The following TCP11L1 variants were observed in gnomAD, a reference collection of about 807,000 sequenced individuals.
The protein encoded by TCP11L1 is T-complex protein 11-like protein 1.
Under a neutral mutation model 48.9 loss-of-function variants are expected in TCP11L1, and 28 were observed. The observed-to-expected ratio is 0.57, with a 90% CI of 0.42 to 0.78. The LOEUF (loss-of-function observed/expected upper bound fraction) is 0.78. Ranked by LOEUF, TCP11L1 falls within the 30% of genes least tolerant of loss-of-function variation. The pLI, the probability that TCP11L1 is intolerant of heterozygous loss-of-function variation, is 0.00. For missense variants in TCP11L1, 505 were observed against 613.4 expected (o/e 0.82, Z 1.87); for synonymous variants, 204 against 231.9 (o/e 0.88, Z 1.09).
In TCP11L1 at chr11:33,055,090, A is replaced by G. The variant is rs117631087; in HGVS notation, c.296+365A>G. Among the ~76,000 whole-genome samples, 83 of 152,360 alleles carry G rather than the reference A, an allele frequency of 5.4e-4. 1 individual carries two copies. In the East Asian group the frequency reaches 0.012, roughly 22 times the overall value. On this transcript the variant is annotated intron_variant, in intron 3 of 9. Transcript: ENST00000334274. ...ACTTAACCATTTTTTTATTGAATCA[A>G]AAACTCTATTGGTTGTAAGGTGCAC...
chr11:33,070,533 A>G lies in TCP11L1; in HGVS notation c.1327+1674A>G, dbSNP rs937904380. Among the ~76,000 whole-genome samples, 14 of 151,994 alleles carry G rather than the reference A, an allele frequency of 9.2e-5. No individual in the cohort carries two copies. In the East Asian group the frequency reaches 2.7e-3, roughly 30 times the overall value. ...AAACTCCGCCTTTACTAAAAATGCGAAATTAGCCAGGCATGGTGGTGCATG... is the reference window on the plus strand; with the variant it reads ...AAACTCCGCCTTTACTAAAAATGCGGAATTAGCCAGGCATGGTGGTGCATG... On this transcript the variant is annotated intron_variant, in intron 9 of 9. Coordinates refer to ENST00000334274, the MANE Select transcript of TCP11L1 (RefSeq NM_018393.4).
At chr11:33,053,020 A>G (rs554824140) in intron 2 of TCP11L1, among the ~76,000 whole-genome samples, 1 of 151,912 alleles carries the variant, frequency 6.6e-6, no homozygotes, top group Non-Finnish European at 1.5e-5. Context: ...AAAAATGCAG[A>G]TTCTTTGGCC....
chr11:33,051,736 G>C (rs906517300), intron 2 of TCP11L1, among the ~76,000 whole-genome samples: 15 of 152,106 alleles, frequency 9.9e-5, no homozygotes, highest in Non-Finnish European at 2.2e-4. Flanking sequence ...ATGAGCCACC[G>C]TGCCCGGCCT....
intron 7 of TCP11L1, among the ~76,000 whole-genome samples, chr11:33,064,181 G>T (rs1037812425): frequency 6.6e-5 from 10 of 152,186 alleles, no homozygotes; most frequent in African/African-American, 1.9e-4. Flanking sequence ...ACGCTGTGGG[G>T]AAGATGGTGA....
intron 1 of TCP11L1, among the ~76,000 whole-genome samples, chr11:33,041,774 A>AG (rs1402930756): frequency 1.3e-5 from 2 of 152,056 alleles, no homozygotes; most frequent in African/African-American, 4.8e-5. Context: ...AAACAAAAAA[A>AG]CAGGCCTGAA....
chr11:33,065,800 C>G lies in TCP11L1; in HGVS notation c.973-30C>G, dbSNP rs577356006. On this transcript the variant is annotated intron_variant, in intron 7 of 9. Transcript: ENST00000334274. Reference sequence around the variant, plus strand: ...TCTGCTGGCCAACCTGGACCTGCAGCTCAGCGATGGCCTCTTCTATTCATT... The same window carrying G: ...TCTGCTGGCCAACCTGGACCTGCAGGTCAGCGATGGCCTCTTCTATTCATT... 2.5e-6 allele frequency: 4 copies of G among 1,597,440 alleles called. No individual in the cohort carries two copies. In the African/African-American group the frequency reaches 4.0e-5, roughly 16 times the overall value.
At chr11:33,052,008 A>T (rs1381898939) in intron 2 of TCP11L1, among the ~76,000 whole-genome samples, 1 of 152,094 alleles carries the variant, frequency 6.6e-6, no homozygotes, top group Non-Finnish European at 1.5e-5. Flanking sequence ...TCTGATTGGG[A>T]TTTCATTTAA....
intron 2 of TCP11L1, among the ~76,000 whole-genome samples, chr11:33,051,413 C>T (rs911780051): frequency 6.6e-6 from 1 of 152,084 alleles, no homozygotes; most frequent in Non-Finnish European, 1.5e-5. Flanking sequence ...GTGGTCCGCT[C>T]GCCTCAGCCT....
At chr11:33,046,148 A>G (rs767227742) in intron 2 of TCP11L1, among the ~76,000 whole-genome samples, 6 of 152,272 alleles carry the variant, frequency 3.9e-5, no homozygotes, top group Non-Finnish European at 8.8e-5. Context: ...GCCCTTTAGC[A>G]CAGAGCTTGG....
At chr11:33,052,155 G>C (rs1720179213) in intron 2 of TCP11L1, among the ~76,000 whole-genome samples, 1 of 152,052 alleles carries the variant, frequency 6.6e-6, no homozygotes, top group Admixed American at 6.5e-5. Context: ...TAATAACCGG[G>C]TGACAAAATA....
At chr11:33,054,759 A>G (rs780409840) in intron 3 of TCP11L1, 34 bp downstream of exon 3, 14 of 1,580,834 alleles carry the variant, frequency 8.9e-6, no homozygotes, top group Non-Finnish European at 1.1e-5. Flanking sequence ...TGCTTAGTAG[A>G]ACACTGTCAT....
At chr11:33,054,477 A>T in intron 2 of TCP11L1, 116 bp from the exon 3 acceptor site, 1 of 1,296,374 alleles carries the variant, frequency 7.7e-7, no homozygotes, top group Non-Finnish European at 1.1e-6. Flanking sequence ...CAGAACAAAC[A>T]TTTTAATAGA....
intron 2 of TCP11L1, among the ~76,000 whole-genome samples, chr11:33,048,912 A>C (rs574045894): frequency 6.6e-6 from 1 of 152,202 alleles, no homozygotes. Flanking sequence ...ACTAGGCAGC[A>C]TAGTAACGGT....
intron 7 of TCP11L1, among the ~76,000 whole-genome samples, chr11:33,065,573 T>G (rs780424285): frequency 1.3e-5 from 2 of 152,176 alleles, no homozygotes; most frequent in Non-Finnish European, 2.9e-5. Context: ...GGGGAGGTCA[T>G]GGTATTAAGC....
intron 1 of TCP11L1, among the ~76,000 whole-genome samples, chr11:33,042,759 C>G (rs1713786581): frequency 6.6e-6 from 1 of 151,236 alleles, no homozygotes; most frequent in South Asian, 2.1e-4. Flanking sequence ...ATGGTGAAAC[C>G]CCGTCTCTAC....
At chr11:33,041,940 C>T (rs1300801021) in intron 1 of TCP11L1, among the ~76,000 whole-genome samples, 1 of 152,172 alleles carries the variant, frequency 6.6e-6, no homozygotes, top group Non-Finnish European at 1.5e-5. Flanking sequence ...TGATTACCTT[C>T]CATGTGTGTA....
intron 2 of TCP11L1, 59 bp from the exon 3 acceptor site, chr11:33,054,534 A>G: frequency 6.3e-7 from 1 of 1,575,900 alleles, no homozygotes; most frequent in African/African-American, 1.4e-5. Context: ...CTGTTTTCTT[A>G]TTTTAGTAGA....
chr11:33,047,729 A>G (rs960195204), intron 2 of TCP11L1, among the ~76,000 whole-genome samples: 1 of 152,246 alleles, frequency 6.6e-6, no homozygotes, highest in African/African-American at 2.4e-5. Context: ...GCAGTGAACC[A>G]GGCACATATT....
chr11:33,072,701 T>C lies in TCP11L1; in HGVS notation c.*25T>C. The stretch of plus-strand genomic sequence containing the variant: ...ACGTGTATGCACCCTACAGCAGCAG[T>C]ATTACTCACTAGCCACAGAATACCT... On this transcript the variant is annotated 3_prime_UTR_variant, in exon 10 of 10. Transcript: ENST00000334274. 2 of 1,612,584 alleles carry C rather than the reference T, an allele frequency of 1.2e-6. No homozygotes were observed. The highest frequency in any genetic ancestry group is 1.3e-5 in the African/African-American group (1 of 75,028).
Sources: allele counts gnomAD v4.1 joint callset (sites outside exome capture counted in the v4.1 genomes callset), GRCh38; gene constraint gnomAD v4.1.1; transcripts MANE v1.5; gene names NCBI Gene and HGNC (gene_info 2026-07-23, HGNC 2026-07-21).